Variants in GOLGA4 observed in about 807,000 individuals in gnomAD.
GOLGA4 encodes golgin subfamily A member 4.
GOLGA4 carries 169 observed loss-of-function variants against 265.9 expected under a neutral mutation model. The ratio of observed to expected loss-of-function variants is 0.64; its 90% CI spans 0.56 to 0.72. GOLGA4 has a LOEUF of 0.72. Ranked by LOEUF, GOLGA4 falls within the 30% of genes least tolerant of loss-of-function variation. The probability of loss-of-function intolerance (pLI) is 0.00; values close to 1 mark genes in which losing one functional copy is unlikely to be tolerated. For missense variants in GOLGA4, 2,482 were observed against 2,483.4 expected (o/e 1.00, Z 0.01); for synonymous variants, 923 against 855.8 (o/e 1.08, Z -1.37).
At chr3:37,254,434 A>G (rs924095191) in intron 2 of GOLGA4, among the ~76,000 whole-genome samples, 2 of 152,134 alleles carry the variant, frequency 1.3e-5, no homozygotes, top group African/African-American at 4.8e-5. Context: ...CAACATCTAA[A>G]TAAAGGTTTT....
chr3:37,248,536 T>G (rs1432708667), intron 1 of GOLGA4, among the ~76,000 whole-genome samples: 1 of 152,166 alleles, frequency 6.6e-6, no homozygotes, highest in Non-Finnish European at 1.5e-5. Flanking sequence ...TGAAGTACAG[T>G]TAGTTCTTTA....
In GOLGA4 at chr3:37,243,355, A is replaced by G; in HGVS notation, c.-196A>G. The stretch of plus-strand genomic sequence containing the variant: ...GGCCAGCCAGTGGCACCCGGAAGAA[A>G]GAGACGCGGCGGCGGCGACGCCGAC... On this transcript the variant is annotated 5_prime_UTR_variant, in exon 1 of 24. Transcript: ENST00000361924. The G allele has an allele frequency of 1.7e-6, 1 of 577,860 alleles. No individual in the cohort carries two copies. Among genetic ancestry groups the G allele is most frequent in the Non-Finnish European group, 3.1e-6 (1 of 321,974 alleles). The allele number at this position is 577,860 out of a possible 1,614,324, so 35.8% of individuals were successfully genotyped here. A position where few individuals can be genotyped will look rare whatever the true frequency, so the allele number is the denominator to read the frequency against.
At chr3:37,275,238 A>G (rs1209295693) in intron 2 of GOLGA4, among the ~76,000 whole-genome samples, 30 of 150,204 alleles carry the variant, frequency 2.0e-4, no homozygotes, top group East Asian at 1.7e-3. Context: ...AAAAAAAAAA[A>G]AAAGAAAAAA....
chr3:37,312,877 T>C (rs545244100), intron 10 of GOLGA4, among the ~76,000 whole-genome samples: 1 of 152,318 alleles, frequency 6.6e-6, no homozygotes, highest in Admixed American at 6.5e-5. Flanking sequence ...CTTTGAAATT[T>C]AGACCTTATT....
chr3:37,320,484 A>G (rs553208564), intron 12 of GOLGA4: 1 of 152,260 alleles, frequency 6.6e-6, no homozygotes, highest in African/African-American at 2.4e-5. Flanking sequence ...CAAGTTCTCT[A>G]CCCAGCTCTG....
intron 23 of GOLGA4, among the ~76,000 whole-genome samples, chr3:37,365,833 G>C (rs978152016): frequency 6.9e-5 from 9 of 129,916 alleles, no homozygotes; most frequent in Non-Finnish European, 1.3e-4. Flanking sequence ...GGGTCTTGCT[G>C]TGTTGACCAG....
intron 11 of GOLGA4, among the ~76,000 whole-genome samples, chr3:37,318,149 A>G (rs1050785259): frequency 6.6e-6 from 1 of 152,000 alleles, no homozygotes; most frequent in Non-Finnish European, 1.5e-5. Context: ...TTTTTCCCAG[A>G]TGGCTACCAA....
intron 2 of GOLGA4, among the ~76,000 whole-genome samples, chr3:37,281,027 C>T (rs2096833305): frequency 1.3e-5 from 2 of 152,174 alleles, no homozygotes; most frequent in Non-Finnish European, 2.9e-5. Flanking sequence ...GTATTTCACT[C>T]CTGGCACCTT....
Position 37,347,241 on chromosome 3 carries a change from A to G in GOLGA4, c.6521A>G (p.Glu2174Gly). The G allele has an allele frequency of 6.2e-7, 1 of 1,613,192 alleles. No individual in the cohort carries two copies. Among genetic ancestry groups the G allele is most frequent in the Non-Finnish European group, 8.5e-7 (1 of 1,179,406 alleles). Residue 2174 changes from glutamate (E) to glycine (G), a missense_variant, in exon 21 of 24, where the codon GAA (glutamate) becomes GGA (glycine). Around this residue, in one of 3 missense-constraint regions of GOLGA4, gnomAD observed 942 missense variants for 983.1 expected, o/e 0.96. Coordinates refer to ENST00000361924, the MANE Select transcript of GOLGA4 (RefSeq NM_002078.5). ...GTCTCACTCTTTGGAGAACCTACCG[A>G]ATTTGAGTATTTGCGAAAAGTGCTT... Reference protein sequence around the residue: ...TDVSLFGEPTEFEYLRKVLFE... With the variant: ...TDVSLFGEPTGFEYLRKVLFE...
At chr3:37,266,750 G>A (rs373551744) in intron 2 of GOLGA4, 10 of 453,720 alleles carry the variant, frequency 2.2e-5, no homozygotes, top group East Asian at 7.2e-5. Context: ...TGCATGCTGC[G>A]TGGTGAGAAC....
intron 2 of GOLGA4, among the ~76,000 whole-genome samples, chr3:37,254,797 G>A (rs541542716): frequency 4.7e-5 from 7 of 149,044 alleles, no homozygotes; most frequent in African/African-American, 7.3e-5. Flanking sequence ...CCACTGTGCC[G>A]GGCCGTATTT....
chr3:37,344,496 T>TA (rs2151031190), intron 20 of GOLGA4, among the ~76,000 whole-genome samples: 1 of 149,790 alleles, frequency 6.7e-6, no homozygotes, highest in East Asian at 1.9e-4. Context: ...CACTGTCTTT[T>TA]TTTTTTTTTT....
intron 10 of GOLGA4, among the ~76,000 whole-genome samples, chr3:37,310,237 A>G (rs1051192010): frequency 6.6e-6 from 1 of 152,152 alleles, no homozygotes; most frequent in African/African-American, 2.4e-5. Context: ...GGGCAGTGTA[A>G]CAAAATAGTA....
chr3:37,335,337 A>G (rs1418666320), intron 17 of GOLGA4, among the ~76,000 whole-genome samples, 171 bp downstream of exon 17: 2 of 152,244 alleles, frequency 1.3e-5, no homozygotes, highest in Admixed American at 6.5e-5. Flanking sequence ...CAAAGAGATT[A>G]AATAAAATGT....
intron 6 of GOLGA4, 38 bp from the exon 7 acceptor site, chr3:37,296,049 T>G: frequency 6.3e-7 from 1 of 1,595,106 alleles, no homozygotes. Context: ...TCCCATAGTT[T>G]TTTTTGACTT....
intron 9 of GOLGA4, among the ~76,000 whole-genome samples, chr3:37,301,939 CCACCATG>C (rs2096893934): frequency 6.6e-6 from 1 of 152,116 alleles, no homozygotes; most frequent in Non-Finnish European, 1.5e-5. Context: ...CAGGCATATA[CCACCATG>C]CCTGGCTAAT....
intron 11 of GOLGA4, among the ~76,000 whole-genome samples, chr3:37,315,902 A>ACAG (rs2096936367): frequency 6.6e-6 from 1 of 152,186 alleles, no homozygotes; most frequent in Non-Finnish European, 1.5e-5. Context: ...CTTCAGTAGT[A>ACAG]TATCCTCCAG....
At chr3:37,279,059 C>T (rs566707781) in intron 2 of GOLGA4, among the ~76,000 whole-genome samples, 6 of 152,118 alleles carry the variant, frequency 3.9e-5, no homozygotes, top group East Asian at 3.9e-4. Flanking sequence ...TACACAAAGA[C>T]GGGGGGATGC....
At position 37,327,149 on chromosome 3, in the gene GOLGA4, G is replaced by C. The variant is rs2096973926; in HGVS notation, c.5263G>C (p.Val1755Leu). ...LTEKEKLLQRVGQEKEETVSS... is the reference protein window; with the variant it reads ...LTEKEKLLQRLGQEKEETVSS... Reference sequence around the variant, plus strand: ...TGAAAAAGAAAAGCTATTGCAGAGGGTAGGGCAGGAAAAAGAAGAGACAGT... The same window carrying C: ...TGAAAAAGAAAAGCTATTGCAGAGGCTAGGGCAGGAAAAAGAAGAGACAGT... Residue 1755 changes from valine (V) to leucine (L), a missense_variant, in exon 14 of 24, where the codon GTA (valine) becomes CTA (leucine). Around this residue, in one of 3 missense-constraint regions of GOLGA4, gnomAD observed 942 missense variants for 983.1 expected, o/e 0.96. Transcript: ENST00000361924. 1.2e-6 allele frequency: 2 copies of C among 1,613,794 alleles called. No homozygotes were observed. Among genetic ancestry groups the C allele is most frequent in the Non-Finnish European group, 8.5e-7 (1 of 1,179,814 alleles).
Sources: allele counts gnomAD v4.1 joint callset (sites outside exome capture counted in the v4.1 genomes callset), GRCh38; gene constraint gnomAD v4.1.1; regional missense constraint gnomAD v4.1.1; transcripts MANE v1.5; gene names NCBI Gene and HGNC (gene_info 2026-07-23, HGNC 2026-07-21).